Variants in FHIT observed in about 807,000 individuals in gnomAD.
FHIT encodes the protein fragile histidine triad diadenosine triphosphatase, also known as bis(5'-adenosyl)-triphosphatase.
FHIT carries 19 observed loss-of-function variants against 17.9 expected under a neutral mutation model. That is an observed-to-expected ratio of 1.06 (90% confidence interval 0.74 to 1.56). FHIT has a LOEUF of 1.56. Ranked by LOEUF, FHIT falls within the 40% of genes most tolerant of loss-of-function variation. The probability of loss-of-function intolerance (pLI) is 0.00; values close to 1 mark genes in which losing one functional copy is unlikely to be tolerated. For synonymous variants in FHIT, 81 were observed against 69.7 expected, an observed-to-expected ratio of 1.16 and a Z score of -0.81; for missense variants, 248 against 189.2, an observed-to-expected ratio of 1.31 and a Z score of -1.82.
chr3:60,279,098 G>C (rs1446460760), intron 5 of FHIT, among the ~76,000 whole-genome samples: 1 of 151,916 alleles, frequency 6.6e-6, no homozygotes, highest in African/African-American at 2.4e-5. Flanking sequence ...AAAACCAAAA[G>C]CTAATTATTT....
At chr3:60,165,699 C>A (rs1311594685) in intron 5 of FHIT, among the ~76,000 whole-genome samples, 1 of 152,176 alleles carries the variant, frequency 6.6e-6, no homozygotes, top group African/African-American at 2.4e-5. Flanking sequence ...CTTCTCCTCT[C>A]CTTAAATTCC....
chr3:59,848,154 A>T (rs938647392), intron 8 of FHIT, among the ~76,000 whole-genome samples: 2 of 152,210 alleles, frequency 1.3e-5, no homozygotes, highest in African/African-American at 2.4e-5. Context: ...AACCAGGAGT[A>T]CATGCACAGC....
chr3:61,098,875 A>G lies in FHIT; in HGVS notation c.-163-56776T>C, dbSNP rs116745292. 7.4e-3 allele frequency among the ~76,000 whole-genome samples: 1,125 copies of G among 152,216 alleles called. 13 individuals are homozygous for G. The highest frequency in any genetic ancestry group is 0.026 in the African/African-American group (1,063 of 41,556). On this transcript the variant is annotated intron_variant, in intron 2 of 9. Transcript: ENST00000492590. ...GCTGAGACGATGGGGTTTTCTAGAT[A>G]TAAGATTATGTCACCTGCATTTGAA...
chr3:59,790,680 C>A (rs1699517792), intron 8 of FHIT, among the ~76,000 whole-genome samples: 1 of 152,152 alleles, frequency 6.6e-6, no homozygotes, highest in Admixed American at 6.6e-5. Flanking sequence ...TAATGCTCTT[C>A]TCTTTTTACG....
At chr3:60,180,231 G>A (rs934991527) in intron 5 of FHIT, among the ~76,000 whole-genome samples, 2 of 152,198 alleles carry the variant, frequency 1.3e-5, no homozygotes, top group African/African-American at 2.4e-5. Context: ...AGCAAAGTGA[G>A]TCAAGTTTTA....
chr3:60,173,915 A>ATTTTTTTTTTT, intron 5 of FHIT, among the ~76,000 whole-genome samples: 3 of 66,436 alleles, frequency 4.5e-5, no homozygotes, highest in Non-Finnish European at 8.3e-5. Flanking sequence ...ATATATATAT[A>ATTTTTTTTTTT]TGTTTTTTTT....
intron 5 of FHIT, among the ~76,000 whole-genome samples, chr3:60,418,426 A>ATATATATATATATG (rs1559897379): frequency 6.6e-5 from 1 of 15,178 alleles, no homozygotes; most frequent in African/African-American, 1.4e-4. Flanking sequence ...ATATATATAT[A>ATATATATATATATG]CGTGTATACA....
chr3:61,233,878 CCTT>C (rs2040165929), intron 1 of FHIT, among the ~76,000 whole-genome samples: 1 of 152,172 alleles, frequency 6.6e-6, no homozygotes, highest in African/African-American at 2.4e-5. Flanking sequence ...GATACACTCT[CCTT>C]GACATCTCTG....
At chr3:60,067,638 C>T (rs570476473) in intron 5 of FHIT, among the ~76,000 whole-genome samples, 1 of 152,182 alleles carries the variant, frequency 6.6e-6, no homozygotes, top group Non-Finnish European at 1.5e-5. Flanking sequence ...TCTGGGAAGA[C>T]CTTGTATCTT....
chr3:60,583,582 G>A (rs1313265438), intron 4 of FHIT, among the ~76,000 whole-genome samples: 1 of 151,970 alleles, frequency 6.6e-6, no homozygotes, highest in Non-Finnish European at 1.5e-5. Flanking sequence ...ATTTTCATGT[G>A]TCACCAATTA....
chr3:60,956,570 C>T (rs1709170397), intron 3 of FHIT, among the ~76,000 whole-genome samples: 1 of 152,086 alleles, frequency 6.6e-6, no homozygotes, highest in South Asian at 2.1e-4. Context: ...TTTCAAAATG[C>T]CCAGAGGGGA....
chr3:60,725,920 A>C (rs139750744), intron 4 of FHIT, among the ~76,000 whole-genome samples: 47 of 152,262 alleles, frequency 3.1e-4, no homozygotes, highest in Admixed American at 2.6e-3. Context: ...TGATGATATT[A>C]AGGCTCACTG....
intron 6 of FHIT, among the ~76,000 whole-genome samples, chr3:60,013,111 CTGTT>C (rs1279487964): frequency 6.6e-6 from 1 of 152,152 alleles, no homozygotes; most frequent in Non-Finnish European, 1.5e-5. Flanking sequence ...AGAAAAAAAT[CTGTT>C]TGAGAAGAAG....
In FHIT at chr3:60,575,872, C is replaced by CA. The variant is rs1314416045; in HGVS notation, c.-17-38894dup. 1.1e-4 allele frequency among the ~76,000 whole-genome samples: 17 copies of CA among 152,268 alleles called. No homozygotes were observed. In the East Asian group the frequency reaches 1.6e-3, roughly 14 times the overall value. ...AGCAACGGGAGGAAGCCATGACTAC[C>CA]ACAACTGCTGAAAGGACAAGGGCAA... is the stretch of plus-strand genomic sequence containing the variant. On this transcript the variant is annotated intron_variant, in intron 4 of 9. Transcript: ENST00000492590.
intron 4 of FHIT, among the ~76,000 whole-genome samples, chr3:60,675,029 T>A (rs781932552): frequency 6.6e-6 from 1 of 152,144 alleles, no homozygotes; most frequent in Non-Finnish European, 1.5e-5. Flanking sequence ...ACCTCCTTAC[T>A]AGCCAGTCCA....
chr3:60,818,334 T>G (rs1275960566), intron 4 of FHIT, among the ~76,000 whole-genome samples: 1 of 152,176 alleles, frequency 6.6e-6, no homozygotes, highest in African/African-American at 2.4e-5. Flanking sequence ...GTATTGATGT[T>G]ATTGTATGCA....
At chr3:60,629,749 C>A (rs2107769803) in intron 4 of FHIT, among the ~76,000 whole-genome samples, 1 of 152,242 alleles carries the variant, frequency 6.6e-6, no homozygotes, top group South Asian at 2.1e-4. Flanking sequence ...CACTTGATTG[C>A]TTTAATGTAT....
intron 4 of FHIT, among the ~76,000 whole-genome samples, chr3:60,685,262 A>G (rs1418153558): frequency 4.6e-5 from 7 of 152,172 alleles, no homozygotes; most frequent in African/African-American, 1.7e-4. Flanking sequence ...TGAATGAATT[A>G]AATTTGTATG....
intron 2 of FHIT, among the ~76,000 whole-genome samples, chr3:61,162,536 C>T (rs2037726968): frequency 6.6e-6 from 1 of 152,148 alleles, no homozygotes; most frequent in South Asian, 2.1e-4. Flanking sequence ...CTATCAAGCC[C>T]TTAAAACCAA....
Sources: gnomAD v4.1 joint callset for allele counts (sites outside exome capture counted in the v4.1 genomes callset) on GRCh38, gnomAD v4.1.1 for gene constraint, MANE v1.5 for transcripts, NCBI Gene and HGNC (gene_info 2026-07-23, HGNC 2026-07-21) for gene names.